Variants in VAPB observed in about 807,000 individuals in gnomAD.
The protein encoded by VAPB is VAMP associated protein B and C, also known as vesicle-associated membrane protein-associated protein B/C.
VAPB carries 7 observed loss-of-function variants against 25.6 expected under a neutral mutation model. The ratio of observed to expected loss-of-function variants is 0.27; its 90% CI spans 0.16 to 0.51. The LOEUF (loss-of-function observed/expected upper bound fraction) is 0.51, where lower values mean the gene tolerates loss of function less well. VAPB is among the 20% of genes least tolerant of loss of function. The pLI is 0.97. For missense variants in VAPB, 266 were observed against 301.3 expected, an observed-to-expected ratio of 0.88 and a Z score of 0.87; for synonymous variants, 112 against 109.2, an observed-to-expected ratio of 1.03 and a Z score of -0.16.
intron 1 of VAPB, among the ~76,000 whole-genome samples, chr20:58,408,890 A>ACCC (rs60297703): frequency 0.02 from 1,884 of 91,944 alleles, 11 homozygotes; most frequent in Non-Finnish European, 0.022. Flanking sequence ...TAGGACAGAC[A>ACCC]CCCCCCCCCC....
At chr20:58,398,857 CTTT>C (rs11475936) in intron 1 of VAPB, among the ~76,000 whole-genome samples, 3 of 143,676 alleles carry the variant, frequency 2.1e-5, no homozygotes, top group Admixed American at 7.0e-5. Flanking sequence ...AAGGCTATGG[CTTT>C]TTTTTTTTTT....
intron 5 of VAPB, among the ~76,000 whole-genome samples, chr20:58,441,794 A>G (rs1327357872): frequency 6.6e-6 from 1 of 152,124 alleles, no homozygotes; most frequent in Non-Finnish European, 1.5e-5. Context: ...ACTGACCTAT[A>G]CTCTGTTTTA....
chr20:58,421,909 A>G (rs894577910), intron 2 of VAPB, among the ~76,000 whole-genome samples: 3 of 152,206 alleles, frequency 2.0e-5, no homozygotes, highest in African/African-American at 4.8e-5. Flanking sequence ...CTGATATTCA[A>G]GGGACCTTAC....
rs374804668 is a variant in VAPB at position 58,402,685 on chromosome 20, C to T, written c.58+13168C>T. ...ATGGTCTCTGGGTCTAAGGCATAGGCGAGGAAGGGTTGGTGTTTAGGAGAA... is the reference window on the plus strand; with the variant it reads ...ATGGTCTCTGGGTCTAAGGCATAGGTGAGGAAGGGTTGGTGTTTAGGAGAA... On this transcript the variant is annotated intron_variant, in intron 1 of 5. Transcript: ENST00000475243. Among the ~76,000 whole-genome samples the T allele has an allele frequency of 2.1e-4, 32 of 151,060 alleles. No homozygotes were observed. The South Asian group carries it at 6.1e-3, about 29-fold the overall frequency.
At chr20:58,443,398 GTT>G (rs397773897) in intron 5 of VAPB, among the ~76,000 whole-genome samples, 5 of 112,790 alleles carry the variant, frequency 4.4e-5, no homozygotes, top group Admixed American at 1.9e-4. Context: ...CCACTTTTAG[GTT>G]TTTTTTTTTT....
chr20:58,415,407 AAG>A (rs1334656025), intron 1 of VAPB, among the ~76,000 whole-genome samples: 1 of 152,242 alleles, frequency 6.6e-6, no homozygotes, highest in Non-Finnish European at 1.5e-5. Flanking sequence ...CATTATTAAA[AAG>A]AGTAACAGTT....
intron 1 of VAPB, among the ~76,000 whole-genome samples, chr20:58,392,649 C>T (rs947932856): frequency 1.3e-5 from 2 of 152,154 alleles, no homozygotes; most frequent in East Asian, 1.9e-4. Flanking sequence ...GATTTCTGGT[C>T]GTTCACCTAG....
Position 58,448,952 on chromosome 20 carries a change from G to A in VAPB, c.*4717G>A. The A allele has an allele frequency of 2.2e-6, 1 of 454,052 alleles. No homozygotes were observed. The highest frequency in any genetic ancestry group is 4.4e-6 in the Non-Finnish European group (1 of 226,796). The allele number at this position is 454,052 out of a possible 1,614,324, so 28.1% of individuals were successfully genotyped here. ...GACTTGTAAATTAAATGTGAATGAG[G>A]GCAGTTGATTAAAATTGGTATTACA... On this transcript the variant is annotated 3_prime_UTR_variant, in exon 6 of 6. Coordinates refer to ENST00000475243, the MANE Select transcript of VAPB (RefSeq NM_004738.5).
chr20:58,418,416 G>A, intron 2 of VAPB, 53 bp downstream of exon 2: 1 of 1,593,746 alleles, frequency 6.3e-7, no homozygotes, highest in Non-Finnish European at 8.5e-7. Flanking sequence ...CCCCTGGACA[G>A]TAGGTTTTCT....
intron 1 of VAPB, among the ~76,000 whole-genome samples, chr20:58,401,101 A>G (rs572400654): frequency 2.6e-5 from 4 of 152,342 alleles, no homozygotes; most frequent in Admixed American, 2.0e-4. Flanking sequence ...TCATCTAGAG[A>G]AATCCAGAGA....
intron 2 of VAPB, among the ~76,000 whole-genome samples, chr20:58,433,747 A>G (rs1001059143): frequency 1.3e-5 from 2 of 152,246 alleles, no homozygotes; most frequent in African/African-American, 4.8e-5. Context: ...TTTCTGGCAC[A>G]TGGAGATACT....
At chr20:58,395,784 A>G (rs1438796633) in intron 1 of VAPB, among the ~76,000 whole-genome samples, 1 of 152,106 alleles carries the variant, frequency 6.6e-6, no homozygotes, top group Non-Finnish European at 1.5e-5. Flanking sequence ...CTCAGTGGGT[A>G]TGTGCGTTCT....
rs866834654 is a variant in VAPB at position 58,389,668 on chromosome 20, C to T, written c.58+151C>T. ...CGAGGCCGGGCCGGGCCTTGGCGCT[C>T]GCCGCGCTCCCCAGAACTGCCCGGA... is the stretch of plus-strand genomic sequence containing the variant. On this transcript the variant is annotated intron_variant, in intron 1 of 5. Coordinates refer to ENST00000475243, the MANE Select transcript of VAPB (RefSeq NM_004738.5). 2.2e-5 allele frequency: 18 copies of T among 827,530 alleles called. 1 individual carries two copies. The African/African-American group carries it at 3.1e-4, about 14-fold the overall frequency. The allele number at this position is 827,530 out of a possible 1,614,324, so 51.3% of individuals were successfully genotyped here. A position where few individuals can be genotyped will look rare whatever the true frequency, so the allele number is the denominator to read the frequency against.
intron 2 of VAPB, 137 bp from the exon 3 acceptor site, chr20:58,434,465 A>G: frequency 3.0e-6 from 2 of 673,748 alleles, no homozygotes; most frequent in Non-Finnish European, 5.4e-6. Context: ...ATCCTTGCTT[A>G]CTTCACCAGG....
At chr20:58,421,799 G>A (rs879195262) in intron 2 of VAPB, among the ~76,000 whole-genome samples, 2 of 152,150 alleles carry the variant, frequency 1.3e-5, no homozygotes, top group Admixed American at 1.3e-4. Context: ...TGGCCAGAGG[G>A]ATCAAGGTTT....
intron 2 of VAPB, 65 bp downstream of exon 2, chr20:58,418,428 A>G: frequency 1.9e-6 from 3 of 1,586,526 alleles, no homozygotes; most frequent in South Asian, 1.1e-5. Context: ...AGGTTTTCTT[A>G]AAGTTTGTAT....
Position 58,445,350 on chromosome 20 carries a change from C to T in VAPB, c.*1115C>T, listed in dbSNP as rs1042897739. 12 of 454,350 alleles carry T rather than the reference C, an allele frequency of 2.6e-5. No homozygotes were observed. Among genetic ancestry groups the T allele is most frequent in the African/African-American group, 1.8e-4 (9 of 49,966 alleles). 28.1% of individuals were successfully genotyped at this position (454,350 alleles called of 1,614,324 possible). A position where few individuals can be genotyped will look rare whatever the true frequency, so the allele number is the denominator to read the frequency against. On this transcript the variant is annotated 3_prime_UTR_variant, in exon 6 of 6. Coordinates refer to ENST00000475243, the MANE Select transcript of VAPB (RefSeq NM_004738.5). ...TAGCCTGGAGTCAGGACAAATGGATCGGGCTGCAGAGGGTTAGAAGCGAGG... is the reference window on the plus strand; with the variant it reads ...TAGCCTGGAGTCAGGACAAATGGATTGGGCTGCAGAGGGTTAGAAGCGAGG...
In VAPB at chr20:58,449,964, A is replaced by G. The variant is rs1265346674; in HGVS notation, c.*5729A>G. Reference sequence around the variant, plus strand: ...TTTTTCCCTTTGGAAAATGCCAACTAAGGGAGACTAATCAGATATCTTAAC... The same window carrying G: ...TTTTTCCCTTTGGAAAATGCCAACTGAGGGAGACTAATCAGATATCTTAAC... On this transcript the variant is annotated 3_prime_UTR_variant, in exon 6 of 6. Transcript: ENST00000475243. The G allele has an allele frequency of 2.2e-6, 1 of 454,020 alleles. No individual in the cohort carries two copies. The highest frequency in any genetic ancestry group is 4.4e-6 in the Non-Finnish European group (1 of 226,760). 28.1% of individuals were successfully genotyped at this position (454,020 alleles called of 1,614,324 possible).
At chr20:58,421,507 T>A (rs1182706897) in intron 2 of VAPB, among the ~76,000 whole-genome samples, 1 of 152,206 alleles carries the variant, frequency 6.6e-6, no homozygotes, top group Non-Finnish European at 1.5e-5. Context: ...TCAGGTATAA[T>A]CTTTAAAAAG....
Sources: allele counts gnomAD v4.1 joint callset (sites outside exome capture counted in the v4.1 genomes callset), GRCh38; gene constraint gnomAD v4.1.1; transcripts MANE v1.5; gene names NCBI Gene and HGNC (gene_info 2026-07-23, HGNC 2026-07-21).